Variants in WWC2 observed in about 807,000 individuals in gnomAD.
The protein encoded by WWC2 is protein WWC2.
In WWC2, 101 loss-of-function variants were observed where a neutral mutation model predicts 138.5. The ratio of observed to expected loss-of-function variants is 0.73; its 90% CI spans 0.62 to 0.86. The LOEUF is 0.86. Ranked by LOEUF, WWC2 falls within the 40% of genes least tolerant of loss-of-function variation. WWC2 has a pLI of 0.00. For synonymous variants in WWC2, 558 were observed against 538.4 expected, an observed-to-expected ratio of 1.04 and a Z score of -0.50; for missense variants, 1,420 against 1,419.4, an observed-to-expected ratio of 1.00 and a Z score of -0.01.
chr4:183,201,397 G>C (rs1261070090), intron 2 of WWC2, among the ~76,000 whole-genome samples: 1 of 152,168 alleles, frequency 6.6e-6, no homozygotes, highest in Admixed American at 6.5e-5. Flanking sequence ...GTGAGTGTGA[G>C]GCAAGAGCTC....
chr4:183,306,256 C>T (rs1455139809), intron 21 of WWC2, among the ~76,000 whole-genome samples: 1 of 152,132 alleles, frequency 6.6e-6, no homozygotes, highest in African/African-American at 2.4e-5. Context: ...AAAACAGTAA[C>T]AAATTGGTAG....
intron 21 of WWC2, among the ~76,000 whole-genome samples, chr4:183,296,933 CAAAAAAAAAAAAAAAAAAAAAAA>C (rs776211338): frequency 9.9e-4 from 70 of 70,760 alleles, no homozygotes; most frequent in Middle Eastern, 7.2e-3. Context: ...GACTCCGTCT[CAAAAAAAAAAAAAAAAAAAAAAA>C]AAAAAAAAAA....
chr4:183,164,429 T>C (rs1339111757), intron 1 of WWC2, among the ~76,000 whole-genome samples: 2 of 142,256 alleles, frequency 1.4e-5, no homozygotes, highest in African/African-American at 5.2e-5. Context: ...TATTTTTATA[T>C]ATATTTTTAA....
At chr4:183,277,332 A>G (rs1171491433) in intron 16 of WWC2, among the ~76,000 whole-genome samples, 1 of 151,602 alleles carries the variant, frequency 6.6e-6, no homozygotes, top group Admixed American at 6.6e-5. Context: ...ATGGCTGCGT[A>G]GTATTCCATG....
At chr4:183,268,401 C>G (rs895255076) in intron 14 of WWC2, among the ~76,000 whole-genome samples, 1 of 152,178 alleles carries the variant, frequency 6.6e-6, no homozygotes, top group Non-Finnish European at 1.5e-5. Flanking sequence ...TGTCGTATCT[C>G]AGAATTTGGA....
At chr4:183,213,238 G>A (rs1264853274) in intron 4 of WWC2, among the ~76,000 whole-genome samples, 3 of 152,220 alleles carry the variant, frequency 2.0e-5, no homozygotes, top group African/African-American at 7.2e-5. Flanking sequence ...TGACCAGGTA[G>A]CACTTTAGGA....
In WWC2 at chr4:183,265,771, A is replaced by G. The variant is rs758425365; in HGVS notation, c.2120+3A>G. ...GCCCAGGTTCAGATAGGACTCAGGTAAGGAATGTACGTGGGAAAGGAGCAG... is the reference window on the plus strand; with the variant it reads ...GCCCAGGTTCAGATAGGACTCAGGTGAGGAATGTACGTGGGAAAGGAGCAG... On this transcript the variant is annotated splice_donor_region_variant and intron_variant, in intron 13 of 22. Coordinates refer to ENST00000403733, the MANE Select transcript of WWC2 (RefSeq NM_024949.6). The G allele has an allele frequency of 1.1e-4, 180 of 1,610,698 alleles. No homozygotes were observed. The East Asian group carries it at 3.8e-3, about 34-fold the overall frequency.
chr4:183,140,901 T>C (rs1038875184), intron 1 of WWC2, among the ~76,000 whole-genome samples: 6 of 152,214 alleles, frequency 3.9e-5, no homozygotes, highest in Non-Finnish European at 7.3e-5. Flanking sequence ...TTAATAACTA[T>C]GTAACCTCTC....
At chr4:183,304,170 C>A (rs1306503839) in intron 21 of WWC2, among the ~76,000 whole-genome samples, 1 of 151,968 alleles carries the variant, frequency 6.6e-6, no homozygotes, top group Non-Finnish European at 1.5e-5. Context: ...GGTCATAGGG[C>A]AAACTACTGC....
intron 1 of WWC2, among the ~76,000 whole-genome samples, chr4:183,187,765 T>G (rs28422859): frequency 6.6e-6 from 1 of 151,052 alleles, no homozygotes; most frequent in Non-Finnish European, 1.5e-5. Context: ...CCTAGCTACT[T>G]GGGAGGCTGA....
intron 1 of WWC2, among the ~76,000 whole-genome samples, chr4:183,113,663 C>G (rs1488464390): frequency 6.6e-6 from 1 of 151,976 alleles, no homozygotes; most frequent in East Asian, 1.9e-4. Context: ...TCCCAAAGTG[C>G]TGAAATTTAC....
At chr4:183,122,127 C>T (rs1007087881) in intron 1 of WWC2, among the ~76,000 whole-genome samples, 2 of 152,006 alleles carry the variant, frequency 1.3e-5, no homozygotes, top group East Asian at 3.9e-4. Flanking sequence ...ATATTCTTTG[C>T]TCTTTATTTT....
intron 1 of WWC2, among the ~76,000 whole-genome samples, chr4:183,134,634 C>T (rs537333903): frequency 6.6e-6 from 1 of 152,212 alleles, no homozygotes; most frequent in South Asian, 2.1e-4. Context: ...TTTCATCTCT[C>T]TCACCATGAA....
chr4:183,228,498 A>G (rs1736139288), intron 4 of WWC2, among the ~76,000 whole-genome samples: 1 of 152,134 alleles, frequency 6.6e-6, no homozygotes, highest in Non-Finnish European at 1.5e-5. Flanking sequence ...TTTCAAGCAC[A>G]TTTAGCACAT....
rs869235261 is a variant in WWC2, at chr4:183,280,229, GTTTTTTTT to G, written c.2563-529_2563-522del. ...TTACTATTTTAGCCTGATAGCAGCT[GTTTTTTTT>G]TTTTTTTTTTTTTTTTTGCTTTGTT... On this transcript the variant is annotated intron_variant, in intron 16 of 22. Transcript: ENST00000403733. 7.1e-3 allele frequency among the ~76,000 whole-genome samples: 467 copies of G among 65,468 alleles called. 2 individuals are homozygous for G. Among genetic ancestry groups the G allele is most frequent in the African/African-American group, 0.028 (452 of 16,382 alleles). The allele number at this position is 65,468 out of a possible 152,430, so 42.9% of individuals were successfully genotyped here. A position where few individuals can be genotyped will look rare whatever the true frequency, so the allele number is the denominator to read the frequency against.
intron 2 of WWC2, among the ~76,000 whole-genome samples, chr4:183,194,276 G>A (rs1262206908): frequency 1.3e-5 from 2 of 152,210 alleles, no homozygotes; most frequent in African/African-American, 4.8e-5. Flanking sequence ...GACATGGTCA[G>A]TCTAGGGCAG....
intron 8 of WWC2, among the ~76,000 whole-genome samples, chr4:183,251,269 C>T (rs1288855083): frequency 3.9e-5 from 6 of 152,332 alleles, no homozygotes; most frequent in African/African-American, 1.2e-4. Context: ...TGCCAGCTTT[C>T]GGTAGATAGT....
At chr4:183,278,787 G>A (rs371491114) in intron 16 of WWC2, among the ~76,000 whole-genome samples, 1 of 151,520 alleles carries the variant, frequency 6.6e-6, no homozygotes, top group Non-Finnish European at 1.5e-5. Context: ...TTTGTCTGTT[G>A]TTGGTGTATA....
intron 1 of WWC2, among the ~76,000 whole-genome samples, chr4:183,193,100 A>G (rs1162957945): frequency 6.6e-6 from 1 of 152,206 alleles, no homozygotes; most frequent in Non-Finnish European, 1.5e-5. Flanking sequence ...ATACTTATAA[A>G]AAAAATTTGT....
Sources: allele counts gnomAD v4.1 joint callset (sites outside exome capture counted in the v4.1 genomes callset), GRCh38; gene constraint gnomAD v4.1.1; transcripts MANE v1.5; gene names NCBI Gene and HGNC (gene_info 2026-07-23, HGNC 2026-07-21).